Variants in AMZ2 observed in about 807,000 individuals in gnomAD.
AMZ2 encodes archaelysin family metallopeptidase 2, also known as archaemetzincin-2.
Under a neutral mutation model 36.7 loss-of-function variants are expected in AMZ2, and 26 were observed. That is an observed-to-expected ratio of 0.71 (90% confidence interval 0.52 to 0.98). The LOEUF is 0.98. Among genes scored for constraint, AMZ2 ranks in the 50% least tolerant of loss-of-function variants. The probability of loss-of-function intolerance (pLI) is 0.00; values close to 1 mark genes in which losing one functional copy is unlikely to be tolerated. For missense variants in AMZ2, 394 were observed against 430.5 expected (o/e 0.92, Z 0.75); for synonymous variants, 144 against 149.1 (o/e 0.97, Z 0.25).
chr17:68,208,436 A>G (rs553876504), intron 1 of AMZ2, among the ~76,000 whole-genome samples: 11 of 152,358 alleles, frequency 7.2e-5, no homozygotes, highest in Admixed American at 6.5e-4. Context: ...ATCTGTATCT[A>G]GCTAATCTAG....
intron 1 of AMZ2, among the ~76,000 whole-genome samples, chr17:68,242,094 C>G (rs1277444097): frequency 1.3e-5 from 2 of 151,718 alleles, no homozygotes; most frequent in African/African-American, 4.8e-5. Flanking sequence ...CAAAGGATGG[C>G]TTGGTTGTTA....
At chr17:68,230,862 C>G (rs55957500) in intron 1 of AMZ2, among the ~76,000 whole-genome samples, 24,023 of 151,970 alleles carry the variant, frequency 0.16, 1,994 homozygotes, top group East Asian at 0.29. Context: ...AGTTTATACA[C>G]TTGCCAAGGA....
In AMZ2 at chr17:68,238,005, T is replaced by C. The variant is rs569718220; in HGVS notation, c.-66-10635T>C. Among the ~76,000 whole-genome samples, 3 of 152,262 alleles carry C rather than the reference T, an allele frequency of 2.0e-5. No individual in the cohort carries two copies. In the East Asian group the frequency reaches 5.8e-4, roughly 29 times the overall value. On this transcript the variant is annotated intron_variant, in intron 1 of 7. Transcript: ENST00000674770. ...GACACTTCCTCTTTCATATTTGTCT[T>C]ATTCAGACCATCTCCTCCATCCCCC...
At chr17:68,243,889 G>A (rs1200665455), upstream of AMZ2, among the ~76,000 whole-genome samples, 1 of 152,128 alleles carries the variant, frequency 6.6e-6, no homozygotes, top group Non-Finnish European at 1.5e-5. Context: ...TACAGTGAAG[G>A]GCAGAATTGG....
At chr17:68,230,554 C>T (rs1555730984) in intron 1 of AMZ2, among the ~76,000 whole-genome samples, 2 of 152,250 alleles carry the variant, frequency 1.3e-5, no homozygotes, top group East Asian at 1.9e-4. Context: ...ACCACTGTAA[C>T]AGATGACTAC....
upstream of AMZ2, chr17:68,247,887 C>G: frequency 1.0e-6 from 1 of 985,436 alleles, no homozygotes; most frequent in Non-Finnish European, 1.2e-6. Flanking sequence ...CGGGTCGCGG[C>G]CGCTGAACTC....
At chr17:68,228,694 C>T (rs2073578792) in intron 1 of AMZ2, among the ~76,000 whole-genome samples, 1 of 152,264 alleles carries the variant, frequency 6.6e-6, no homozygotes, top group Non-Finnish European at 1.5e-5. Context: ...TATTGAGCAT[C>T]TATTATTATG....
intron 1 of AMZ2, among the ~76,000 whole-genome samples, chr17:68,224,223 G>A (rs542787521): frequency 1.3e-5 from 2 of 152,348 alleles, no homozygotes; most frequent in Admixed American, 6.5e-5. Flanking sequence ...GATTACAGGC[G>A]TGAGCCACTG....
intron 1 of AMZ2, among the ~76,000 whole-genome samples, chr17:68,209,353 C>T (rs1337774316): frequency 6.6e-6 from 1 of 151,944 alleles, no homozygotes; most frequent in East Asian, 1.9e-4. Flanking sequence ...ATCAGCATGC[C>T]CGGCTAATTT....
rs149144063 is a variant in AMZ2, at chr17:68,248,600, T to A, written c.-106T>A. 4.9e-5 allele frequency: 48 copies of A among 985,928 alleles called. No individual in the cohort carries two copies. In the African/African-American group the frequency reaches 7.7e-4, roughly 16 times the overall value. 61.1% of individuals were successfully genotyped at this position (985,928 alleles called of 1,614,324 possible). ...CTCCTGACCTTTCACACTGCCTTTT[T>A]AATATTAAGATGAAGTCACACTCCA... On this transcript the variant is annotated 5_prime_UTR_variant, in exon 1 of 7. Transcript: ENST00000359904.
intron 1 of AMZ2, among the ~76,000 whole-genome samples, chr17:68,236,672 G>A (rs1215439680): frequency 6.7e-6 from 1 of 149,516 alleles, no homozygotes; most frequent in African/African-American, 2.5e-5. Context: ...CCCAGGCTCA[G>A]GTGATTCTCC....
At chr17:68,242,030 C>G in intron 1 of AMZ2, among the ~76,000 whole-genome samples, 1 of 151,666 alleles carries the variant, frequency 6.6e-6, no homozygotes, top group East Asian at 1.9e-4. Context: ...AGGCGTGAGC[C>G]ATTGCACCCG....
chr17:68,248,014 G>C, upstream of AMZ2: 1 of 986,404 alleles, frequency 1.0e-6, no homozygotes, highest in Non-Finnish European at 1.2e-6. Flanking sequence ...GGCGTAAGGG[G>C]CGTGGCGCCA....
At chr17:68,209,624 A>C (rs11650812) in intron 1 of AMZ2, among the ~76,000 whole-genome samples, 1 of 93,476 alleles carries the variant, frequency 1.1e-5, no homozygotes, top group African/African-American at 5.3e-5. Flanking sequence ...ATATATATAT[A>C]TATATATATT....
upstream of AMZ2, chr17:68,247,471 G>C (rs1458323706): frequency 4.1e-6 from 1 of 241,960 alleles, no homozygotes; most frequent in Non-Finnish European, 6.6e-6. Flanking sequence ...CCGAGCTCAC[G>C]GCCTCCCCTC....
At chr17:68,217,536 T>C (rs1555727585) in intron 1 of AMZ2, among the ~76,000 whole-genome samples, 2 of 152,226 alleles carry the variant, frequency 1.3e-5, no homozygotes, top group Non-Finnish European at 2.9e-5. Flanking sequence ...GTGTTCTGTG[T>C]CAACAATTTT....
At chr17:68,247,876 G>A (rs1281623074), upstream of AMZ2, 10 of 985,548 alleles carry the variant, frequency 1.0e-5, no homozygotes, top group East Asian at 5.7e-4. Context: ...TCTGGAAGAG[G>A]CGGGTCGCGG....
Position 68,250,754 on chromosome 17 carries a change from C to T in AMZ2, c.284-40C>T, listed in dbSNP as rs782646946. 8 of 1,496,118 alleles carry T rather than the reference C, an allele frequency of 5.3e-6. No homozygotes were observed. In the South Asian group the frequency reaches 1.1e-4, roughly 20 times the overall value. 92.7% of individuals were successfully genotyped at this position (1,496,118 alleles called of 1,614,324 possible). A position where few individuals can be genotyped will look rare whatever the true frequency, so the allele number is the denominator to read the frequency against. Reference sequence around the variant, plus strand: ...ATAGACTGGGTAAACACTGAATAATCATCTTAAAGTCTGTTTTTAAATGTT... The same window carrying T: ...ATAGACTGGGTAAACACTGAATAATTATCTTAAAGTCTGTTTTTAAATGTT... On this transcript the variant is annotated intron_variant, in intron 2 of 6. Transcript: ENST00000359904.
intron 1 of AMZ2, among the ~76,000 whole-genome samples, chr17:68,233,653 A>G (rs74426083): frequency 0.025 from 3,767 of 152,048 alleles, 146 homozygotes; most frequent in African/African-American, 0.084. Context: ...CATTCTCTCT[A>G]TGAGCTTGGA....
Sources: gnomAD v4.1 joint callset for allele counts (sites outside exome capture counted in the v4.1 genomes callset) on GRCh38, gnomAD v4.1.1 for gene constraint, MANE v1.5 for transcripts, NCBI Gene and HGNC (gene_info 2026-07-23, HGNC 2026-07-21) for gene names.